AKT2: variants seen among roughly 807,000 people sequenced by gnomAD.
AKT2 encodes the protein AKT serine/threonine kinase 2.
Under a neutral mutation model 58.6 loss-of-function variants are expected in AKT2, and 16 were observed. The observed-to-expected ratio is 0.27, with a 90% CI of 0.18 to 0.41. The LOEUF (loss-of-function observed/expected upper bound fraction) is 0.41. Among genes scored for constraint, AKT2 ranks in the 10% least tolerant of loss-of-function variants. AKT2 has a pLI of 1.00. For missense variants in AKT2, 438 were observed against 661.0 expected, an observed-to-expected ratio of 0.66 and a Z score of 3.70; for synonymous variants, 253 against 254.0, an observed-to-expected ratio of 1.00 and a Z score of 0.04.
At position 40,233,533 on chromosome 19, in the gene AKT2, A is replaced by G. The variant is rs1352321956; in HGVS notation, c.*339T>C. On this transcript the variant is annotated 3_prime_UTR_variant, in exon 14 of 14. Transcript: ENST00000392038. This position sits in a 1 kb window ranked among gnomAD's most constrained non-coding sequence, Gnocchi z 4.3. The stretch of plus-strand genomic sequence containing the variant: ...GGAGGCAGACACCAGCACGACACCC[A>G]GGCCAGAAACTCAGGCAGGCCCCAG... 3.1e-6 allele frequency: 2 copies of G among 637,820 alleles called. No individual in the cohort carries two copies. Among genetic ancestry groups the G allele is most frequent in the Non-Finnish European group, 6.0e-6 (2 of 335,840 alleles). The allele number at this position is 637,820 out of a possible 1,614,324, so 39.5% of individuals were successfully genotyped here.
intron 4 of AKT2, among the ~76,000 whole-genome samples, chr19:40,252,314 G>A (rs936892223): frequency 2.0e-5 from 3 of 152,150 alleles, no homozygotes; most frequent in Admixed American, 6.5e-5. Flanking sequence ...TCTCTTAGTC[G>A]TTCCAGCAGT....
intron 1 of AKT2, chr19:40,273,676 C>T (rs988464084): frequency 1.3e-5 from 2 of 152,192 alleles, no homozygotes; most frequent in African/African-American, 2.4e-5. Context: ...CAGATTCCTT[C>T]TCCTCCCTGC....
In AKT2 at chr19:40,237,702, G is replaced by A. The variant is rs1180154682; in HGVS notation, c.831+267C>T. 5 of 479,794 alleles carry A rather than the reference G, an allele frequency of 1.0e-5. No individual in the cohort carries two copies. The highest frequency in any genetic ancestry group is 7.8e-5 in the African/African-American group (4 of 51,152). 29.7% of individuals were successfully genotyped at this position (479,794 alleles called of 1,614,324 possible). On this transcript the variant is annotated intron_variant, in intron 9 of 13. Coordinates refer to ENST00000392038, the MANE Select transcript of AKT2 (RefSeq NM_001626.6). The surrounding 1 kb of genome is among the most constrained non-coding windows in gnomAD (Gnocchi z 4.5). ...AGTTGACACTCCGCTAGTGGCCTAG[G>A]AGCGCTCATGGGAGGCTTGGGAAGG...
chr19:40,275,253 C>G (rs767470211), intron 1 of AKT2: 22 of 456,746 alleles, frequency 4.8e-5, no homozygotes, highest in African/African-American at 3.6e-4. Context: ...GCCAGCCCTT[C>G]CTTACCGCCC....
intron 4 of AKT2, among the ~76,000 whole-genome samples, chr19:40,248,696 G>A (rs2145245389): frequency 6.6e-6 from 1 of 152,368 alleles, no homozygotes; most frequent in South Asian, 2.1e-4. Context: ...GTGCCAGAAT[G>A]GCTGGAGCCA....
intron 1 of AKT2, chr19:40,284,938 T>G (rs1485891060): frequency 6.1e-6 from 2 of 326,510 alleles, no homozygotes; most frequent in African/African-American, 4.3e-5. Context: ...GCGCTCCCCG[T>G]CCCGCAAACT....
chr19:40,253,571 C>A (rs575529135), intron 4 of AKT2, among the ~76,000 whole-genome samples: 4 of 152,278 alleles, frequency 2.6e-5, no homozygotes, highest in African/African-American at 7.2e-5. Context: ...TTTTCCACTG[C>A]TCAGACTGGT....
intron 1 of AKT2, chr19:40,282,577 C>A: frequency 1.9e-6 from 1 of 531,714 alleles, no homozygotes; most frequent in South Asian, 1.4e-5. Context: ...AGGACAGTCA[C>A]CTCTATAGGT....
chr19:40,251,357 C>T (rs184369310), intron 4 of AKT2, among the ~76,000 whole-genome samples: 23 of 152,256 alleles, frequency 1.5e-4, no homozygotes, highest in African/African-American at 5.3e-4. Context: ...AACAAATGGA[C>T]ATGGTCATGT....
Position 40,242,199 on chromosome 19 carries a change from G to A in AKT2, c.442-130C>T, listed in dbSNP as rs1003642007. On this transcript the variant is annotated intron_variant, in intron 5 of 13. Transcript: ENST00000392038. The surrounding 1 kb of genome is among the most constrained non-coding windows in gnomAD (Gnocchi z 4.3). The stretch of plus-strand genomic sequence containing the variant: ...CGGCTTAGGCTGGAGCAGGAAGGGA[G>A]GCTCTGGGCAGCAACTGTGTGTTCT... 2 of 1,349,058 alleles carry A rather than the reference G, an allele frequency of 1.5e-6. No homozygotes were observed. The highest frequency in any genetic ancestry group is 1.4e-5 in the African/African-American group (1 of 69,340). 83.6% of individuals were successfully genotyped at this position (1,349,058 alleles called of 1,614,324 possible).
intron 1 of AKT2, among the ~76,000 whole-genome samples, chr19:40,277,490 CACCT>C (rs1600112982): frequency 1.3e-5 from 2 of 152,178 alleles, no homozygotes; most frequent in South Asian, 2.1e-4. Context: ...CCTCCCCACC[CACCT>C]GTGTCCCTTC....
chr19:40,253,447 C>T (rs1436209819), intron 4 of AKT2, among the ~76,000 whole-genome samples: 2 of 85,264 alleles, frequency 2.3e-5, no homozygotes, highest in South Asian at 4.3e-4. Flanking sequence ...GACCAACTAC[C>T]CAACAGAAAA....
chr19:40,245,120 C>T (rs1357698371), intron 4 of AKT2, among the ~76,000 whole-genome samples: 3 of 152,200 alleles, frequency 2.0e-5, no homozygotes, highest in Non-Finnish European at 2.9e-5. Context: ...GTGTTTAATA[C>T]ACAGGCTGTC....
Position 40,238,755 on chromosome 19 carries a change from G to A in AKT2, c.708+150C>T. On this transcript the variant is annotated intron_variant, in intron 8 of 13. Coordinates refer to ENST00000392038, the MANE Select transcript of AKT2 (RefSeq NM_001626.6). This position sits in a 1 kb window ranked among gnomAD's most constrained non-coding sequence, Gnocchi z 5.1. The stretch of plus-strand genomic sequence containing the variant: ...CCTCAGTGACTGCCCCCCCAAAATG[G>A]AGACGAAGCCGCCTGCCTCAAGGGA... 2 of 803,784 alleles carry A rather than the reference G, an allele frequency of 2.5e-6. No homozygotes were observed. The highest frequency in any genetic ancestry group is 1.5e-5 in the South Asian group (1 of 66,362). The allele number at this position is 803,784 out of a possible 1,614,324, so 49.8% of individuals were successfully genotyped here. A position where few individuals can be genotyped will look rare whatever the true frequency, so the allele number is the denominator to read the frequency against.
At chr19:40,246,952 G>A (rs1568536025) in intron 4 of AKT2, among the ~76,000 whole-genome samples, 1 of 152,238 alleles carries the variant, frequency 6.6e-6, no homozygotes, top group African/African-American at 2.4e-5. Flanking sequence ...TGGAAGGGAG[G>A]GTGCCGAAGA....
chr19:40,275,906 G>A (rs560152765), intron 1 of AKT2, among the ~76,000 whole-genome samples: 17 of 151,370 alleles, frequency 1.1e-4, no homozygotes, highest in South Asian at 2.1e-4. Context: ...CCAGCTACTC[G>A]GGAGGCTGAG....
rs1600085357 is a variant in AKT2 at position 40,265,127 on chromosome 19, C to G, written c.46+95G>C. The G allele has an allele frequency of 2.6e-6, 4 of 1,541,018 alleles. No homozygotes were observed. In the East Asian group the frequency reaches 9.6e-5, roughly 37 times the overall value. On this transcript the variant is annotated intron_variant, in intron 2 of 13. Transcript: ENST00000392038. ...GGCTGCGGAATGCTGGCTCCTCAGG[C>G]TGGTAAGACCCTCCGCCTCTGCCTC... is the stretch of plus-strand genomic sequence containing the variant.
chr19:40,249,900 C>T (rs1346304490), intron 4 of AKT2, among the ~76,000 whole-genome samples: 1 of 152,304 alleles, frequency 6.6e-6, no homozygotes, highest in Non-Finnish European at 1.5e-5. Context: ...CAGGGCAGGA[C>T]GCACTGGGGT....
intron 2 of AKT2, among the ~76,000 whole-genome samples, chr19:40,260,628 CAAAAAAAAAAAAAA>C (rs34124347): frequency 4.8e-4 from 12 of 25,006 alleles, no homozygotes; most frequent in South Asian, 2.4e-3. Flanking sequence ...GATTCCATCT[CAAAAAAAAAAAAAA>C]AAAAAAAAAA....
Sources: gnomAD v4.1 joint callset for allele counts (sites outside exome capture counted in the v4.1 genomes callset) on GRCh38, gnomAD v4.1.1 for gene constraint, Gnocchi (gnomAD v3.1) non-coding constraint, MANE v1.5 for transcripts, NCBI Gene and HGNC (gene_info 2026-07-23, HGNC 2026-07-21) for gene names.